The following MMP26 variants were observed in gnomAD, a reference collection of about 807,000 sequenced individuals.
MMP26 encodes matrix metalloproteinase-26.
A neutral mutation model predicts 31.0 loss-of-function variants in MMP26; 33 were observed. The ratio of observed to expected loss-of-function variants is 1.06; its 90% CI spans 0.81 to 1.42. The LOEUF (loss-of-function observed/expected upper bound fraction) is 1.42. MMP26 is among the 40% of genes most tolerant of loss of function. The pLI is 0.00. For missense variants in MMP26, 347 were observed against 316.1 expected (o/e 1.10, Z -0.74); for synonymous variants, 122 against 114.9 (o/e 1.06, Z -0.40).
chr11:4,728,546 C>T (rs1325505893), intron 1 of MMP26, among the ~76,000 whole-genome samples: 1 of 152,178 alleles, frequency 6.6e-6, no homozygotes, highest in African/African-American at 2.4e-5. Flanking sequence ...TTCAGATCCC[C>T]TTTTGCCCAG....
chr11:4,793,162 T>C (rs1849055032), intron 2 of MMP26, among the ~76,000 whole-genome samples: 1 of 152,194 alleles, frequency 6.6e-6, no homozygotes, highest in Admixed American at 6.5e-5. Flanking sequence ...CATTTAATTT[T>C]ATAATCACCC....
At chr11:4,979,729 T>C (rs980517058) in intron 2 of MMP26, among the ~76,000 whole-genome samples, 3 of 152,106 alleles carry the variant, frequency 2.0e-5, no homozygotes, top group Admixed American at 2.0e-4. Context: ...GGAAAATGAC[T>C]GTAGACTGCT....
intron 1 of MMP26, among the ~76,000 whole-genome samples, chr11:4,746,401 C>A (rs948564990): frequency 2.0e-4 from 31 of 152,224 alleles, no homozygotes; most frequent in African/African-American, 7.5e-4. Context: ...TAAATTATAT[C>A]TTTGCAAATT....
At position 4,954,905 on chromosome 11, in the gene MMP26, G is replaced by C; in HGVS notation, c.-144-33163G>C. On this transcript the variant is annotated intron_variant, in intron 2 of 7. Coordinates refer to ENST00000380390, the MANE Select transcript of MMP26 (RefSeq NM_021801.5). ...TGCCATGAGAACATTAATGAGGGGA[G>C]AGACATGCCCGGCAAAGCGGTGGAC... 3 of 1,138,088 alleles carry C rather than the reference G, an allele frequency of 2.6e-6. 1 individual carries two copies. Among genetic ancestry groups the C allele is most frequent in the Admixed American group, 4.8e-5 (2 of 42,016 alleles). 70.5% of individuals were successfully genotyped at this position (1,138,088 alleles called of 1,614,324 possible).
intron 2 of MMP26, among the ~76,000 whole-genome samples, chr11:4,823,749 G>A (rs1849543630): frequency 6.6e-6 from 1 of 152,158 alleles, no homozygotes. Context: ...GTCTCAGATA[G>A]CATAACAACG....
chr11:4,938,718 C>T (rs1846165290), intron 2 of MMP26, among the ~76,000 whole-genome samples: 1 of 152,136 alleles, frequency 6.6e-6, no homozygotes, highest in South Asian at 2.1e-4. Flanking sequence ...GCACAGTTTA[C>T]TCTGGATTAG....
chr11:4,847,792 T>G (rs1206114134), intron 2 of MMP26: 2 of 153,528 alleles, frequency 1.3e-5, no homozygotes, highest in Non-Finnish European at 2.9e-5. Flanking sequence ...TAAGGATTGG[T>G]CAGAATTCTT....
intron 2 of MMP26, among the ~76,000 whole-genome samples, chr11:4,927,997 G>T (rs985525647): frequency 1.3e-5 from 2 of 152,036 alleles, no homozygotes; most frequent in African/African-American, 2.4e-5. Context: ...TGGAAAATTG[G>T]TTGAGAAAGA....
chr11:4,733,103 C>T (rs1218357373), intron 1 of MMP26, among the ~76,000 whole-genome samples: 1 of 152,198 alleles, frequency 6.6e-6, no homozygotes, highest in Non-Finnish European at 1.5e-5. Context: ...CCCAACTTTG[C>T]TCTTCTTTTT....
chr11:4,808,115 T>C (rs1051015434), intron 2 of MMP26, among the ~76,000 whole-genome samples: 2 of 152,162 alleles, frequency 1.3e-5, no homozygotes, highest in Admixed American at 1.3e-4. Flanking sequence ...CCAAATTTTA[T>C]TGTTTCTAAC....
chr11:4,740,927 T>C (rs1244315545), intron 1 of MMP26, among the ~76,000 whole-genome samples: 1 of 152,168 alleles, frequency 6.6e-6, no homozygotes, highest in Non-Finnish European at 1.5e-5. Flanking sequence ...CCAAGATGTA[T>C]TGAAAGGACA....
At position 4,992,255 on chromosome 11, in the gene MMP26, G is replaced by C. The variant is rs1052996533; in HGVS notation, c.*13G>C. On this transcript the variant is annotated 3_prime_UTR_variant, in exon 8 of 8. Coordinates refer to ENST00000380390, the MANE Select transcript of MMP26 (RefSeq NM_021801.5). ...TGACATACCTTAATGTTAGCACAGA[G>C]GACTTATTCAACCTGTCCTTTCAGG... is the stretch of plus-strand genomic sequence containing the variant. The C allele has an allele frequency of 3.1e-6, 5 of 1,607,654 alleles. No homozygotes were observed. The highest frequency in any genetic ancestry group is 3.4e-5 in the Admixed American group (2 of 59,318).
At chr11:4,806,402 G>C (rs573804178) in intron 2 of MMP26, among the ~76,000 whole-genome samples, 19 of 152,192 alleles carry the variant, frequency 1.2e-4, no homozygotes, top group African/African-American at 3.9e-4. Flanking sequence ...GAATCTGGGT[G>C]CTCCTGTATT....
chr11:4,880,695 A>G (rs1461111545), intron 2 of MMP26, among the ~76,000 whole-genome samples: 1 of 152,156 alleles, frequency 6.6e-6, no homozygotes, highest in Non-Finnish European at 1.5e-5. Flanking sequence ...TTGGATATAT[A>G]AATTACCAAT....
intron 2 of MMP26, among the ~76,000 whole-genome samples, chr11:4,934,967 T>G (rs1234217952): frequency 6.6e-6 from 1 of 151,788 alleles, no homozygotes; most frequent in East Asian, 1.9e-4. Flanking sequence ...CATGCTGTTT[T>G]GGTTACTGTA....
intron 2 of MMP26, among the ~76,000 whole-genome samples, chr11:4,853,907 C>T (rs1850011637): frequency 6.6e-6 from 1 of 151,784 alleles, no homozygotes; most frequent in South Asian, 2.1e-4. Flanking sequence ...TTAAATTTGG[C>T]TACATAAAAA....
Position 4,910,106 on chromosome 11 carries a change from G to T in MMP26, c.-144-77962G>T, listed in dbSNP as rs142469750. Among the ~76,000 whole-genome samples, 37 of 152,174 alleles carry T rather than the reference G, an allele frequency of 2.4e-4. No individual in the cohort carries two copies. In the East Asian group the frequency reaches 6.6e-3, roughly 27 times the overall value. Reference sequence around the variant, plus strand: ...ATGGGCTTCATTGAGCTAAAATCAAGATGTTAGCAAGCCTACATTCCTTTC... The same window carrying T: ...ATGGGCTTCATTGAGCTAAAATCAATATGTTAGCAAGCCTACATTCCTTTC... On this transcript the variant is annotated intron_variant, in intron 2 of 7. Coordinates refer to ENST00000380390, the MANE Select transcript of MMP26 (RefSeq NM_021801.5).
chr11:4,956,719 A>C (rs1846448810), intron 2 of MMP26, among the ~76,000 whole-genome samples: 2 of 152,126 alleles, frequency 1.3e-5, no homozygotes, highest in Non-Finnish European at 2.9e-5. Context: ...TCGCTAACTA[A>C]ATATCCCTTA....
intron 2 of MMP26, chr11:4,908,664 C>G (rs1589935788): frequency 3.2e-6 from 1 of 316,738 alleles, no homozygotes; most frequent in East Asian, 7.9e-5. Flanking sequence ...AAAGTCTAAT[C>G]TCATACTGTC....
Sources: allele counts gnomAD v4.1 joint callset (sites outside exome capture counted in the v4.1 genomes callset), GRCh38; gene constraint gnomAD v4.1.1; transcripts MANE v1.5; gene names NCBI Gene and HGNC (gene_info 2026-07-23, HGNC 2026-07-21).